The following NSMCE2 variants were observed in gnomAD, a reference collection of about 807,000 sequenced individuals.
NSMCE2 encodes the protein NSE2 SUMO ligase component of SMC5/6 complex, also known as E3 SUMO-protein ligase NSE2.
NSMCE2 carries 24 observed loss-of-function variants against 23.8 expected under a neutral mutation model. The observed-to-expected ratio is 1.01, with a 90% CI of 0.73 to 1.42. The LOEUF is 1.42. Among genes scored for constraint, NSMCE2 ranks in the 40% most tolerant of loss-of-function variants. The probability of loss-of-function intolerance (pLI) is 0.00; values close to 1 mark genes in which losing one functional copy is unlikely to be tolerated. For synonymous variants in NSMCE2, 92 were observed against 94.1 expected (o/e 0.98, Z 0.13); for missense variants, 284 against 296.5 (o/e 0.96, Z 0.31).
intron 3 of NSMCE2, among the ~76,000 whole-genome samples, chr8:125,124,506 TCTCA>T (rs1251479693): frequency 4.7e-5 from 7 of 149,194 alleles, no homozygotes; most frequent in African/African-American, 7.7e-5. Context: ...CTCAACAAGG[TCTCA>T]CTCTGTTGCC....
intron 1 of NSMCE2, among the ~76,000 whole-genome samples, chr8:125,093,164 T>C (rs1223001933): frequency 6.6e-6 from 1 of 152,220 alleles, no homozygotes; most frequent in African/African-American, 2.4e-5. Flanking sequence ...GCCTGTTTCC[T>C]GGTTCATAGG....
intron 5 of NSMCE2, among the ~76,000 whole-genome samples, chr8:125,273,193 A>G (rs992480806): frequency 3.9e-5 from 6 of 152,218 alleles, no homozygotes; most frequent in Admixed American, 6.5e-5. Context: ...GTTACAGCCT[A>G]TTAAAGACGC....
chr8:125,257,681 T>C (rs992264711), intron 5 of NSMCE2, among the ~76,000 whole-genome samples: 1 of 151,960 alleles, frequency 6.6e-6, no homozygotes, highest in Non-Finnish European at 1.5e-5. Context: ...CTACAGGCGC[T>C]CACCACCATG....
intron 5 of NSMCE2, among the ~76,000 whole-genome samples, chr8:125,253,368 A>G (rs1040199674): frequency 2.0e-5 from 3 of 152,186 alleles, no homozygotes; most frequent in African/African-American, 7.2e-5. Flanking sequence ...TTTAACCCCT[A>G]GGGGCAGGCT....
intron 5 of NSMCE2, among the ~76,000 whole-genome samples, chr8:125,255,715 T>C (rs1309264531): frequency 6.6e-6 from 1 of 152,218 alleles, no homozygotes; most frequent in African/African-American, 2.4e-5. Context: ...AGACATATTG[T>C]GTACACACAG....
At chr8:125,243,820 G>A (rs1825854050) in intron 5 of NSMCE2, among the ~76,000 whole-genome samples, 1 of 152,106 alleles carries the variant, frequency 6.6e-6, no homozygotes, top group Non-Finnish European at 1.5e-5. Flanking sequence ...GTCACCTTAG[G>A]CATTAGAGGG....
At chr8:125,191,032 A>G (rs1823322269) in intron 5 of NSMCE2, among the ~76,000 whole-genome samples, 1 of 151,934 alleles carries the variant, frequency 6.6e-6, no homozygotes, top group Non-Finnish European at 1.5e-5. Context: ...CACGCCACCT[A>G]GCTAATTTTT....
chr8:125,347,660 T>G (rs1812834610), intron 5 of NSMCE2, among the ~76,000 whole-genome samples: 1 of 152,280 alleles, frequency 6.6e-6, no homozygotes, highest in Non-Finnish European at 1.5e-5. Flanking sequence ...TCCATTCACA[T>G]GAAACAACAG....
chr8:125,156,583 ATTCGTT>A (rs1821324114), intron 4 of NSMCE2, among the ~76,000 whole-genome samples: 1 of 152,174 alleles, frequency 6.6e-6, no homozygotes, highest in Non-Finnish European at 1.5e-5. Context: ...TTTTTTATAA[ATTCGTT>A]CATGGATATG....
intron 5 of NSMCE2, among the ~76,000 whole-genome samples, chr8:125,246,248 A>G (rs763830833): frequency 7.3e-5 from 11 of 150,914 alleles, no homozygotes; most frequent in Non-Finnish European, 1.5e-4. Context: ...CAATGTCGCA[A>G]TCTCGGCTCA....
At chr8:125,182,031 A>G in intron 4 of NSMCE2, 72 bp from the exon 5 acceptor site, 1 of 1,133,460 alleles carries the variant, frequency 8.8e-7, no homozygotes, top group Non-Finnish European at 1.3e-6. Context: ...TGAGATAAAA[A>G]CAATGTTGCA....
intron 3 of NSMCE2, chr8:125,130,435 A>C (rs909859546): frequency 3.8e-6 from 1 of 260,826 alleles, no homozygotes; most frequent in Admixed American, 4.4e-5. Context: ...AGGGGACATA[A>C]TTAAACTCTA....
intron 5 of NSMCE2, among the ~76,000 whole-genome samples, chr8:125,280,856 G>A (rs567353522): frequency 1.3e-5 from 2 of 152,312 alleles, no homozygotes; most frequent in South Asian, 2.1e-4. Context: ...ATAAACTGGT[G>A]TAGTTAATCT....
intron 3 of NSMCE2, among the ~76,000 whole-genome samples, chr8:125,104,747 C>T (rs974229149): frequency 6.6e-6 from 1 of 152,146 alleles, no homozygotes; most frequent in Non-Finnish European, 1.5e-5. Flanking sequence ...TTCAAGACTG[C>T]TGTGCTAGGC....
At chr8:125,093,935 A>G (rs1460800350) in intron 1 of NSMCE2, among the ~76,000 whole-genome samples, 1 of 152,020 alleles carries the variant, frequency 6.6e-6, no homozygotes, top group Admixed American at 6.6e-5. Context: ...GGTCTAGGAC[A>G]ATAGGTGCAA....
intron 5 of NSMCE2, among the ~76,000 whole-genome samples, chr8:125,343,248 CT>C (rs1830312347): frequency 1.3e-5 from 2 of 152,158 alleles, no homozygotes; most frequent in Non-Finnish European, 2.9e-5. Context: ...GATGTGACAA[CT>C]TATAACACAG....
At chr8:125,153,251 C>A (rs549529305) in intron 4 of NSMCE2, among the ~76,000 whole-genome samples, 1 of 152,246 alleles carries the variant, frequency 6.6e-6, no homozygotes, top group East Asian at 1.9e-4. Flanking sequence ...TCAGCCCTAA[C>A]CTCACACTAG....
At position 125,150,520 on chromosome 8, in the gene NSMCE2, A is replaced by T. The variant is rs577276763; in HGVS notation, c.158-651A>T. ...ATGATCTCAGCTCACTGCAACCTTC[A>T]TGTCCTGGGTTCAAGCAATTTCCAG... On this transcript the variant is annotated intron_variant, in intron 3 of 7. Coordinates refer to ENST00000287437, the MANE Select transcript of NSMCE2 (RefSeq NM_173685.4). 3.9e-5 allele frequency among the ~76,000 whole-genome samples: 5 copies of T among 128,764 alleles called. No individual in the cohort carries two copies. In the South Asian group the frequency reaches 1.1e-3, roughly 30 times the overall value. 84.5% of individuals were successfully genotyped at this position (128,764 alleles called of 152,430 possible).
intron 5 of NSMCE2, among the ~76,000 whole-genome samples, chr8:125,235,696 A>G (rs971931241): frequency 1.3e-5 from 2 of 152,218 alleles, no homozygotes; most frequent in Non-Finnish European, 1.5e-5. Context: ...TATTTCCTCA[A>G]ATTGTTTCAT....
Sources: allele counts gnomAD v4.1 joint callset (sites outside exome capture counted in the v4.1 genomes callset), GRCh38; gene constraint gnomAD v4.1.1; transcripts MANE v1.5; gene names NCBI Gene and HGNC (gene_info 2026-07-23, HGNC 2026-07-21).